The following SMARCA5 variants were observed in gnomAD, a reference collection of about 807,000 sequenced individuals.
The protein encoded by SMARCA5 is SNF2 related chromatin remodeling ATPase 5.
Under a neutral mutation model 140.4 loss-of-function variants are expected in SMARCA5, and 18 were observed. The ratio of observed to expected loss-of-function variants is 0.13; its 90% CI spans 0.09 to 0.19. The LOEUF (loss-of-function observed/expected upper bound fraction) is 0.19, where lower values mean the gene tolerates loss of function less well. SMARCA5 is among the 10% of genes least tolerant of loss of function. The pLI is 1.00. For synonymous variants in SMARCA5, 449 were observed against 419.6 expected (o/e 1.07, Z -0.86); for missense variants, 606 against 1,276.8 (o/e 0.47, Z 8.01).
In SMARCA5 at chr4:143,514,017, C is replaced by T. The variant is rs1212963933; in HGVS notation, c.93C>T (p.Ser31=). The T allele has an allele frequency of 1.3e-6, 2 of 1,552,436 alleles. No homozygotes were observed. The highest frequency in any genetic ancestry group is 1.7e-6 in the Non-Finnish European group (2 of 1,156,478). Reference sequence around the variant, plus strand: ...CGATCGCCAGCGGCGGGAGCAACAGCAGCAACAAAGGCGGCCCCGAAGGCG... The same window carrying T: ...CGATCGCCAGCGGCGGGAGCAACAGTAGCAACAAAGGCGGCCCCGAAGGCG... The part of the protein sequence containing the change: ...AASIASGGSN[S]SNKGGPEGVA... Residue 31 remains serine, a synonymous_variant, in exon 1 of 24, where the codon AGC becomes AGT. Transcript: ENST00000283131.
chr4:143,548,870 C>G (rs1737581316), intron 22 of SMARCA5, among the ~76,000 whole-genome samples: 1 of 152,004 alleles, frequency 6.6e-6, no homozygotes, highest in South Asian at 2.1e-4. Flanking sequence ...TAAAATGTCA[C>G]TTTGTAAGAC....
At chr4:143,539,585 G>A (rs1737387889) in intron 13 of SMARCA5, among the ~76,000 whole-genome samples, 1 of 150,376 alleles carries the variant, frequency 6.6e-6, no homozygotes, top group Non-Finnish European at 1.5e-5. Context: ...TGCTCAGGCT[G>A]GGGTGCAATG....
rs796992754 is a variant in SMARCA5 at position 143,535,021 on chromosome 4, G to T, written c.1268+57G>T. 2.5e-6 allele frequency: 3 copies of T among 1,223,508 alleles called. No homozygotes were observed. The Admixed American group carries it at 7.3e-5, about 30-fold the overall frequency. The allele number at this position is 1,223,508 out of a possible 1,614,324, so 75.8% of individuals were successfully genotyped here. On this transcript the variant is annotated intron_variant, in intron 10 of 23. Transcript: ENST00000283131. ...ATTGATTCTTCCCTAAATTTCATGT[G>T]TATTTTGTTTTCCTAATTTGTGTCT...
intron 3 of SMARCA5, 75 bp downstream of exon 3, chr4:143,521,670 A>G (rs1736961663): frequency 3.2e-6 from 4 of 1,268,218 alleles, no homozygotes; most frequent in Admixed American, 2.4e-5. Context: ...TAAAATCACT[A>G]TGATAAATAA....
At position 143,555,106 on chromosome 4, in the gene SMARCA5, G is replaced by T; in HGVS notation, c.*1922G>T. 1 of 664,520 alleles carries T rather than the reference G, an allele frequency of 1.5e-6. No individual in the cohort carries two copies. The highest frequency in any genetic ancestry group is 1.4e-5 in the South Asian group (1 of 70,364). 41.2% of individuals were successfully genotyped at this position (664,520 alleles called of 1,614,324 possible). ...ATTAAAATCTTCTGTCAGTGCCACA[G>T]CTACTACTGCTACTGGAACTGCCTT... On this transcript the variant is annotated 3_prime_UTR_variant, in exon 24 of 24. Transcript: ENST00000283131.
In SMARCA5 at chr4:143,530,010, A is replaced by C. The variant is rs145999394; in HGVS notation, c.1090-448A>C. Among the ~76,000 whole-genome samples, 17 of 152,308 alleles carry C rather than the reference A, an allele frequency of 1.1e-4. No homozygotes were observed. In the East Asian group the frequency reaches 2.9e-3, roughly 26 times the overall value. On this transcript the variant is annotated intron_variant, in intron 8 of 23. Transcript: ENST00000283131. ...ACTGCCCTTGTTGAAATCGTAACCA[A>C]ATATTAATGAAATGCTGGTAATTTC...
chr4:143,547,934 C>T lies in SMARCA5; in HGVS notation c.2779C>T (p.Arg927Trp). Residue 927 changes from arginine to tryptophan, a missense_variant, in exon 22 of 24, where the codon CGG becomes TGG. Arg to Trp is a moderately radical substitution (Grantham distance 101). Transcript: ENST00000283131. Reference protein sequence around the residue: ...IKKALDTKIGRYKAPFHQLRI... With the variant: ...IKKALDTKIGWYKAPFHQLRI... ...TAAAATCTGACTTTCATAGATTGGA[C>T]GGTACAAAGCACCTTTTCATCAGCT... 3 of 1,565,108 alleles carry T rather than the reference C, an allele frequency of 1.9e-6. No homozygotes were observed. The highest frequency in any genetic ancestry group is 2.6e-6 in the Non-Finnish European group (3 of 1,149,946).
chr4:143,528,747 TAA>T (rs1560815201), intron 8 of SMARCA5, 33 bp downstream of exon 8: 1 of 1,597,908 alleles, frequency 6.3e-7, no homozygotes, highest in South Asian at 1.1e-5. Flanking sequence ...TGGTTAATAA[TAA>T]TATTTTGCTT....
intron 23 of SMARCA5, 119 bp from the exon 24 acceptor site, chr4:143,553,000 A>G: frequency 1.5e-6 from 1 of 680,946 alleles, no homozygotes; most frequent in Non-Finnish European, 2.6e-6. Context: ...GCCTGGGGGA[A>G]AAGTCTCATA....
In SMARCA5 at chr4:143,553,957, A is replaced by G. The variant is rs1165299395; in HGVS notation, c.*773A>G. On this transcript the variant is annotated 3_prime_UTR_variant, in exon 24 of 24. Coordinates refer to ENST00000283131, the MANE Select transcript of SMARCA5 (RefSeq NM_003601.4). ...TTCTGAAGCAGCCACAACTTAGATA[A>G]TGTCAGAACTAAGGTGATTTTTTTT... 1 of 147,166 alleles carries G rather than the reference A, an allele frequency of 6.8e-6. No homozygotes were observed. Among genetic ancestry groups the G allele is most frequent in the East Asian group, 1.9e-4 (1 of 5,146 alleles). 9.1% of individuals were successfully genotyped at this position (147,166 alleles called of 1,614,324 possible). A position where few individuals can be genotyped will look rare whatever the true frequency, so the allele number is the denominator to read the frequency against.
At chr4:143,550,765 T>C (rs1265836974) in intron 23 of SMARCA5, among the ~76,000 whole-genome samples, 2 of 152,110 alleles carry the variant, frequency 1.3e-5, no homozygotes, top group African/African-American at 4.8e-5. Context: ...CAGGGTCTCA[T>C]TGCTTATGGT....
intron 8 of SMARCA5, 89 bp downstream of exon 8, chr4:143,528,803 T>C: frequency 9.0e-7 from 1 of 1,112,572 alleles, no homozygotes; most frequent in Non-Finnish European, 1.3e-6. Context: ...CCTTTTAGCA[T>C]GGCTTGAGGT....
chr4:143,533,634 A>C (rs1313690497), intron 9 of SMARCA5, among the ~76,000 whole-genome samples: 1 of 151,450 alleles, frequency 6.6e-6, no homozygotes, highest in African/African-American at 2.4e-5. Flanking sequence ...CAGCCTCCCA[A>C]GTAGCTGGGA....
chr4:143,517,344 C>A lies in SMARCA5; in HGVS notation c.178-11C>A. ...GAAGACCAATTCTATTTAATTATTTCTTTCTACCAGGAAATATTTGATGAT... is the reference window on the plus strand; with the variant it reads ...GAAGACCAATTCTATTTAATTATTTATTTCTACCAGGAAATATTTGATGAT... On this transcript the variant is annotated splice_polypyrimidine_tract_variant and intron_variant, in intron 1 of 23. Coordinates refer to ENST00000283131, the MANE Select transcript of SMARCA5 (RefSeq NM_003601.4). 6.3e-7 allele frequency: 1 copy of A among 1,594,392 alleles called. No homozygotes were observed. Among genetic ancestry groups the A allele is most frequent in the Non-Finnish European group, 8.6e-7 (1 of 1,167,966 alleles).
In SMARCA5 at chr4:143,521,556, T is replaced by G. The variant is rs1213273762; in HGVS notation, c.380T>G (p.Ile127Arg). ...AAGATGAAACCAGGGCGCCCACGAA[T>G]AAAAAAAGATGAGAAGCAGAACTTA... ...PLKMKPGRPR[I>R]KKDEKQNLLS... Residue 127 changes from isoleucine to arginine, a missense_variant, in exon 3 of 24, where the codon ATA becomes AGA. Ile to Arg is a moderately conservative substitution (Grantham distance 97). This residue lies in a region of SMARCA5 where 110 missense variants were observed against 287.7 expected (regional missense o/e 0.38). Transcript: ENST00000283131. 1 of 1,612,098 alleles carries G rather than the reference T, an allele frequency of 6.2e-7. No individual in the cohort carries two copies. Among genetic ancestry groups the G allele is most frequent in the Non-Finnish European group, 8.5e-7 (1 of 1,179,220 alleles).
At position 143,540,503 on chromosome 4, in the gene SMARCA5, A is replaced by G; in HGVS notation, c.1903+8A>G. 1.2e-6 allele frequency: 2 copies of G among 1,600,936 alleles called. No individual in the cohort carries two copies. Among genetic ancestry groups the G allele is most frequent in the Non-Finnish European group, 1.7e-6 (2 of 1,176,198 alleles). On this transcript the variant is annotated splice_region_variant and intron_variant, in intron 14 of 23. Transcript: ENST00000283131. ...CAATAGTCATTCAACAAGGTAAGCC[A>G]TGGAACTTTAAAACTTTACCAAGTT...
chr4:143,554,140 A>G lies in SMARCA5; in HGVS notation c.*956A>G, dbSNP rs755411334. Reference sequence around the variant, plus strand: ...TTTCTAAGTGTTAGCAAGACTGACTATAATTCCAGTTTCTGTTTTCTATGG... The same window carrying G: ...TTTCTAAGTGTTAGCAAGACTGACTGTAATTCCAGTTTCTGTTTTCTATGG... On this transcript the variant is annotated 3_prime_UTR_variant, in exon 24 of 24. Coordinates refer to ENST00000283131, the MANE Select transcript of SMARCA5 (RefSeq NM_003601.4). 3 of 152,132 alleles carry G rather than the reference A, an allele frequency of 2.0e-5. No individual in the cohort carries two copies. Among genetic ancestry groups the G allele is most frequent in the Admixed American group, 6.5e-5 (1 of 15,282 alleles). The allele number at this position is 152,132 out of a possible 1,614,324, so 9.4% of individuals were successfully genotyped here.
At chr4:143,550,155 C>G in intron 23 of SMARCA5, 51 bp downstream of exon 23, 1 of 1,060,460 alleles carries the variant, frequency 9.4e-7, no homozygotes, top group Middle Eastern at 2.1e-4. Context: ...TTTCCCCTTT[C>G]TAAGTATTTA....
intron 11 of SMARCA5, among the ~76,000 whole-genome samples, chr4:143,537,114 A>G (rs962871217): frequency 2.0e-5 from 3 of 152,274 alleles, no homozygotes; most frequent in Middle Eastern, 6.8e-3. Context: ...TATTTGTAGT[A>G]TGCTGACTTT....
Sources: gnomAD v4.1 joint callset for allele counts (sites outside exome capture counted in the v4.1 genomes callset) on GRCh38, gnomAD v4.1.1 for gene constraint, gnomAD v4.1.1 regional missense constraint, MANE v1.5 for transcripts, NCBI Gene and HGNC (gene_info 2026-07-23, HGNC 2026-07-21) for gene names.